The following ADGRG2 variants were observed in gnomAD, a reference collection of about 807,000 sequenced individuals.
ADGRG2 encodes the protein G protein-coupled receptor 64.
ADGRG2 carries 26 observed loss-of-function variants against 74.1 expected under a neutral mutation model. The observed-to-expected ratio is 0.35, with a 90% CI of 0.26 to 0.49. ADGRG2 has a LOEUF of 0.49. Among genes scored for constraint, ADGRG2 ranks in the 20% least tolerant of loss-of-function variants. The pLI, the probability that ADGRG2 is intolerant of heterozygous loss-of-function variation, is 0.99. For missense variants in ADGRG2, 619 were observed against 763.1 expected, an observed-to-expected ratio of 0.81 and a Z score of 2.22; for synonymous variants, 296 against 295.2, an observed-to-expected ratio of 1.00 and a Z score of -0.03.
intron 1 of ADGRG2, among the ~76,000 whole-genome samples, chrX:19,105,799 T>C (rs927865757): frequency 3.7e-5 from 4 of 108,643 alleles, no homozygotes; most frequent in African/African-American, 1.0e-4. Flanking sequence ...AAAATTAGCA[T>C]GGTGGCGTGC....
At chrX:19,017,444 TTTC>T (rs1212294632) in intron 15 of ADGRG2, among the ~76,000 whole-genome samples, 1 of 111,618 alleles carries the variant, frequency 9.0e-6, no homozygotes, top group Non-Finnish European at 1.9e-5. Context: ...TCTATTCCTG[TTTC>T]TTCTTCTTAA....
intron 7 of ADGRG2, chrX:19,035,108 A>G (rs1186359651): frequency 2.7e-5 from 3 of 111,840 alleles, no homozygotes; most frequent in Non-Finnish European, 5.6e-5. Flanking sequence ...CTAAGCGTTG[A>G]GAGAAAGATT....
intron 3 of ADGRG2, among the ~76,000 whole-genome samples, chrX:19,047,129 C>T (rs973402054): frequency 8.9e-6 from 1 of 112,093 alleles, no homozygotes; most frequent in African/African-American, 3.2e-5. Context: ...AGCTGCCGAT[C>T]ACAGCAGATA....
At chrX:19,046,671 C>G (rs1038906765) in intron 3 of ADGRG2, among the ~76,000 whole-genome samples, 7 of 111,835 alleles carry the variant, frequency 6.3e-5, no homozygotes, top group Non-Finnish European at 1.3e-4. Flanking sequence ...CAGAGGTGAG[C>G]AACAGCAGGA....
intron 3 of ADGRG2, among the ~76,000 whole-genome samples, chrX:19,063,529 G>A (rs4825241): frequency 0.28 from 31,597 of 111,229 alleles, 3,363 homozygotes; most frequent in East Asian, 0.38. Flanking sequence ...ACTACCCACC[G>A]GAAAGAGGTT....
chrX:19,019,751 G>A lies in ADGRG2; in HGVS notation c.644-86C>T, dbSNP rs181542364. On this transcript the variant is annotated intron_variant, in intron 14 of 28. Transcript: ENST00000379869. ...GCAGCTCAGAACCATTAAGTATCACGGTTCCTACACTGCATTTAAAAGAGC... is the reference window on the plus strand; with the variant it reads ...GCAGCTCAGAACCATTAAGTATCACAGTTCCTACACTGCATTTAAAAGAGC... 178 of 523,893 alleles carry A rather than the reference G, an allele frequency of 3.4e-4. No individual in the cohort carries two copies. The East Asian group carries it at 5.7e-3, about 17-fold the overall frequency. The allele number at this position is 523,893 out of a possible 1,213,427, so 43.2% of individuals were successfully genotyped here.
intron 2 of ADGRG2, among the ~76,000 whole-genome samples, chrX:19,069,760 T>A (rs1323249973): frequency 2.7e-5 from 3 of 111,039 alleles, no homozygotes; most frequent in African/African-American, 9.8e-5. Context: ...TCCCACTCCA[T>A]CCCCTTTCCA....
intron 1 of ADGRG2, among the ~76,000 whole-genome samples, chrX:19,085,367 C>T (rs1602088328): frequency 9.0e-6 from 1 of 111,449 alleles, no homozygotes; most frequent in African/African-American, 3.3e-5. Context: ...CTTGCCTTGT[C>T]GCCCAGGCTG....
At chrX:19,058,815 G>T (rs1395847079) in intron 3 of ADGRG2, among the ~76,000 whole-genome samples, 2 of 112,421 alleles carry the variant, frequency 1.8e-5, no homozygotes, top group African/African-American at 6.5e-5. Context: ...CTCTTGGCAA[G>T]ATCAATGTGT....
chrX:19,098,413 A>T (rs1473773498), intron 1 of ADGRG2, among the ~76,000 whole-genome samples: 2 of 112,191 alleles, frequency 1.8e-5, no homozygotes, highest in African/African-American at 6.5e-5. Flanking sequence ...TACACAGCAA[A>T]ATGCCAACTG....
intron 3 of ADGRG2, among the ~76,000 whole-genome samples, chrX:19,045,330 C>G (rs2061161573): frequency 2.1e-5 from 1 of 48,407 alleles, no homozygotes; most frequent in Admixed American, 2.1e-4. Context: ...TATTTTGAGA[C>G]AGAGTCTCGC....
chrX:19,069,149 T>C (rs928516411), intron 2 of ADGRG2, among the ~76,000 whole-genome samples: 3 of 112,260 alleles, frequency 2.7e-5, no homozygotes, highest in African/African-American at 6.5e-5. Flanking sequence ...ATTATTACCA[T>C]TACACAGAAT....
intron 1 of ADGRG2, among the ~76,000 whole-genome samples, chrX:19,104,947 T>TCC (rs2062256584): frequency 1.3e-5 from 1 of 77,373 alleles, no homozygotes; most frequent in African/African-American, 5.0e-5. Flanking sequence ...AAAAAGTAAC[T>TCC]CCAAGGCTGG....
At chrX:19,109,851 T>C (rs751442203) in intron 1 of ADGRG2, among the ~76,000 whole-genome samples, 1 of 111,852 alleles carries the variant, frequency 8.9e-6, no homozygotes, top group Non-Finnish European at 1.9e-5. Flanking sequence ...ACACTAATGA[T>C]CCCTGGAATT....
intron 3 of ADGRG2, among the ~76,000 whole-genome samples, chrX:19,045,606 C>T (rs1417031915): frequency 9.1e-6 from 1 of 110,216 alleles, no homozygotes; most frequent in Non-Finnish European, 1.9e-5. Context: ...CCGCGCCTGG[C>T]CATAGGGTTT....
At chrX:19,109,066 GGAA>G (rs967619819) in intron 1 of ADGRG2, among the ~76,000 whole-genome samples, 3 of 110,267 alleles carry the variant, frequency 2.7e-5, no homozygotes, top group African/African-American at 9.9e-5. Flanking sequence ...GAAAGAAGAA[GGAA>G]GAAGAAGAAC....
chrX:19,121,085 A>G (rs2062601889), intron 1 of ADGRG2, among the ~76,000 whole-genome samples: 1 of 111,397 alleles, frequency 9.0e-6, no homozygotes, highest in African/African-American at 3.3e-5. Flanking sequence ...AAGGTCTGAA[A>G]GAAACATTTA....
chrX:19,058,023 T>C (rs1008856466), intron 3 of ADGRG2, among the ~76,000 whole-genome samples: 5 of 111,531 alleles, frequency 4.5e-5, no homozygotes, highest in Admixed American at 1.9e-4. Flanking sequence ...GGCTTGGAGT[T>C]CACTGGAAGA....
chrX:19,088,866 T>C (rs2061972634), intron 1 of ADGRG2, among the ~76,000 whole-genome samples: 1 of 112,269 alleles, frequency 8.9e-6, no homozygotes, highest in African/African-American at 3.2e-5. Context: ...CACCAAGTAG[T>C]AAGAAAACCA....
Sources: allele counts gnomAD v4.1 joint callset (sites outside exome capture counted in the v4.1 genomes callset), GRCh38; gene constraint gnomAD v4.1.1; transcripts MANE v1.5; gene names NCBI Gene and HGNC (gene_info 2026-07-23, HGNC 2026-07-21).